Variants in HOOK3 observed in about 807,000 individuals in gnomAD.
HOOK3 encodes protein Hook homolog 3.
Under a neutral mutation model 116.3 loss-of-function variants are expected in HOOK3, and 24 were observed. The observed-to-expected ratio is 0.21, with a 90% CI of 0.15 to 0.29. HOOK3 has a LOEUF of 0.29. HOOK3 is among the 10% of genes least tolerant of loss of function. HOOK3 has a pLI of 1.00. For synonymous variants in HOOK3, 275 were observed against 283.0 expected (o/e 0.97, Z 0.28); for missense variants, 632 against 830.2 (o/e 0.76, Z 2.93).
At chr8:42,918,631 TAA>T (rs1171316544) in intron 2 of HOOK3, among the ~76,000 whole-genome samples, 9 of 152,106 alleles carry the variant, frequency 5.9e-5, no homozygotes, top group Non-Finnish European at 8.8e-5. Flanking sequence ...TGATGACTCT[TAA>T]CGAGTATGCT....
intron 19 of HOOK3, 83 bp from the exon 20 acceptor site, chr8:43,012,968 T>TA (rs1339676327): frequency 5.8e-5 from 50 of 863,494 alleles, no homozygotes; most frequent in South Asian, 4.8e-4. Flanking sequence ...CCTTTTATTT[T>TA]AAAAAAATAG....
intron 4 of HOOK3, among the ~76,000 whole-genome samples, chr8:42,939,575 ACCCCCCC>A (rs1808057113): frequency 8.1e-6 from 1 of 123,038 alleles, no homozygotes; most frequent in African/African-American, 3.2e-5. Context: ...CGGGGGGCTG[ACCCCCCC>A]ACCTCCCTCC....
chr8:42,924,087 T>C (rs1254589520), intron 2 of HOOK3, among the ~76,000 whole-genome samples: 2 of 152,158 alleles, frequency 1.3e-5, no homozygotes, highest in East Asian at 3.8e-4. Context: ...AGTTGAAACA[T>C]ACATTTTTTT....
Position 43,027,393 on chromosome 8 carries a change from C to T in HOOK3, c.*8895C>T. The T allele has an allele frequency of 2.5e-6, 1 of 406,406 alleles. No individual in the cohort carries two copies. The highest frequency in any genetic ancestry group is 4.6e-6 in the Non-Finnish European group (1 of 218,444). 25.2% of individuals were successfully genotyped at this position (406,406 alleles called of 1,614,324 possible). On this transcript the variant is annotated 3_prime_UTR_variant, in exon 22 of 22. Coordinates refer to ENST00000307602, the MANE Select transcript of HOOK3 (RefSeq NM_032410.4). ...TACTGCCAAAGAATAGAGAGATTTG[C>T]TTATGAGAACATTCTGTCATTTGTT...
At chr8:42,994,079 C>T (rs759726832) in intron 15 of HOOK3, among the ~76,000 whole-genome samples, 28 of 152,070 alleles carry the variant, frequency 1.8e-4, no homozygotes, top group African/African-American at 4.1e-4. Context: ...TGTAGTGGCG[C>T]GATCTCGGCT....
chr8:42,898,489 G>A (rs567938540), intron 1 of HOOK3, among the ~76,000 whole-genome samples: 1 of 152,320 alleles, frequency 6.6e-6, no homozygotes, highest in African/African-American at 2.4e-5. Context: ...GACTAGGCAG[G>A]GGAGAGAGAG....
chr8:43,006,684 T>C (rs1477075841), intron 17 of HOOK3, among the ~76,000 whole-genome samples: 1 of 152,198 alleles, frequency 6.6e-6, no homozygotes, highest in East Asian at 1.9e-4. Context: ...CTTTTAACTG[T>C]TATATTGTAT....
chr8:42,897,487 C>T (rs922582385), intron 1 of HOOK3, among the ~76,000 whole-genome samples: 9 of 152,160 alleles, frequency 5.9e-5, no homozygotes, highest in Admixed American at 2.0e-4. Context: ...CCGAGCCTGA[C>T]TGCCCCGCGT....
At chr8:43,000,534 A>G (rs1809359685) in intron 16 of HOOK3, among the ~76,000 whole-genome samples, 1 of 152,112 alleles carries the variant, frequency 6.6e-6, no homozygotes, top group Non-Finnish European at 1.5e-5. Context: ...ATTATAATTA[A>G]TTCACTTATA....
intron 1 of HOOK3, 134 bp downstream of exon 1, chr8:42,897,322 A>T: frequency 7.8e-6 from 4 of 513,290 alleles, no homozygotes; most frequent in Non-Finnish European, 1.2e-5. Flanking sequence ...GGGCGGGGCG[A>T]GGAGGCTCGG....
chr8:42,940,507 CA>C (rs1285210949), intron 4 of HOOK3, among the ~76,000 whole-genome samples: 3 of 151,968 alleles, frequency 2.0e-5, no homozygotes, highest in African/African-American at 7.3e-5. Flanking sequence ...GGGACAGGGA[CA>C]GGGACAGGGA....
intron 2 of HOOK3, among the ~76,000 whole-genome samples, chr8:42,911,222 C>T (rs898349323): frequency 4.6e-5 from 7 of 152,076 alleles, no homozygotes; most frequent in African/African-American, 1.7e-4. Flanking sequence ...GAGGCCGAGG[C>T]GGGTGGATCA....
chr8:42,898,742 G>C (rs1807117992), intron 1 of HOOK3, among the ~76,000 whole-genome samples: 1 of 152,168 alleles, frequency 6.6e-6, no homozygotes. Context: ...GGTGTACAGA[G>C]GCTCCTTAAC....
At chr8:42,951,611 C>A (rs906581475) in intron 6 of HOOK3, among the ~76,000 whole-genome samples, 1 of 151,996 alleles carries the variant, frequency 6.6e-6, no homozygotes, top group South Asian at 2.1e-4. Flanking sequence ...AATAGAAAAG[C>A]GTATGCAGGA....
rs1045561071 is a variant in HOOK3 at position 42,994,398 on chromosome 8, GTTGT to G, written c.1533-3149_1533-3146del. ...CTAGTTCATTCAGTGGCATCGTTAG[GTTGT>G]TTATTTGAAGGTTTTCTCTTTTTTG... On this transcript the variant is annotated intron_variant, in intron 15 of 21. Transcript: ENST00000307602. 2.5e-5 allele frequency: 10 copies of G among 393,554 alleles called. No homozygotes were observed. In the Admixed American group the frequency reaches 3.2e-4, roughly 13 times the overall value. The allele number at this position is 393,554 out of a possible 1,614,324, so 24.4% of individuals were successfully genotyped here. A position where few individuals can be genotyped will look rare whatever the true frequency, so the allele number is the denominator to read the frequency against.
At position 42,959,288 on chromosome 8, in the gene HOOK3, C is replaced by G; in HGVS notation, c.589C>G (p.Gln197Glu). 6.2e-7 allele frequency: 1 copy of G among 1,613,244 alleles called. No homozygotes were observed. The highest frequency in any genetic ancestry group is 8.5e-7 in the Non-Finnish European group (1 of 1,179,270). ...TTTGTCAGCAAAGGAAGAAATTGCT[C>G]AAAGATGCCATGAACTGGATATGCA... ...EALSAKEEIAQRCHELDMQVA... is the reference protein window; with the variant it reads ...EALSAKEEIAERCHELDMQVA... Residue 197 changes from glutamine (Q) to glutamate (E), a missense_variant, in exon 8 of 22, where the codon CAA becomes GAA. By Grantham distance (29) the Gln-to-Glu change is conservative. Coordinates refer to ENST00000307602, the MANE Select transcript of HOOK3 (RefSeq NM_032410.4).
intron 11 of HOOK3, among the ~76,000 whole-genome samples, chr8:42,970,782 C>CT (rs764513803): frequency 0.068 from 6,361 of 93,802 alleles, 332 homozygotes; most frequent in South Asian, 0.083. Context: ...GAATTTGGGT[C>CT]TTTTTTTTTT....
chr8:42,926,702 T>G (rs1184823633), intron 3 of HOOK3, among the ~76,000 whole-genome samples: 1 of 152,246 alleles, frequency 6.6e-6, no homozygotes, highest in Non-Finnish European at 1.5e-5. Flanking sequence ...TATAATACAA[T>G]ATCAAAACTA....
At chr8:42,897,412 C>T (rs1807028184) in intron 1 of HOOK3, 2 of 318,040 alleles carry the variant, frequency 6.3e-6, no homozygotes, top group East Asian at 9.3e-5. Context: ...GCTGGGAACG[C>T]GGCGGGCGAC....
Sources: allele counts gnomAD v4.1 joint callset (sites outside exome capture counted in the v4.1 genomes callset), GRCh38; gene constraint gnomAD v4.1.1; transcripts MANE v1.5; gene names NCBI Gene and HGNC (gene_info 2026-07-23, HGNC 2026-07-21).